PLCE1: variants seen among roughly 807,000 people sequenced by gnomAD.
PLCE1 encodes the protein 1-phosphatidylinositol 4,5-bisphosphate phosphodiesterase epsilon-1.
Under a neutral mutation model 242.8 loss-of-function variants are expected in PLCE1, and 119 were observed. That is an observed-to-expected ratio of 0.49 (90% confidence interval 0.42 to 0.57). The LOEUF is 0.57. Ranked by LOEUF, PLCE1 falls within the 20% of genes least tolerant of loss-of-function variation. The probability of loss-of-function intolerance (pLI) is 0.00; values close to 1 mark genes in which losing one functional copy is unlikely to be tolerated. For synonymous variants in PLCE1, 945 were observed against 1,017.4 expected (o/e 0.93, Z 1.35); for missense variants, 2,441 against 2,788.8 (o/e 0.88, Z 2.81).
chr10:94,206,720 G>A (rs1292111212), intron 4 of PLCE1, among the ~76,000 whole-genome samples: 1 of 152,150 alleles, frequency 6.6e-6, no homozygotes, highest in South Asian at 2.1e-4. Flanking sequence ...ACAGGCCAGT[G>A]GTGTTGACAT....
At chr10:94,208,265 C>T (rs2049226260) in intron 4 of PLCE1, among the ~76,000 whole-genome samples, 1 of 152,190 alleles carries the variant, frequency 6.6e-6, no homozygotes, top group African/African-American at 2.4e-5. Context: ...GGTGATGCAC[C>T]AAGCAGAGCC....
At chr10:94,276,144 T>C (rs1024537773) in intron 19 of PLCE1, among the ~76,000 whole-genome samples, 8 of 152,228 alleles carry the variant, frequency 5.3e-5, no homozygotes, top group African/African-American at 1.9e-4. Context: ...GCCAGCCACA[T>C]GGAGAGGCCT....
At position 94,306,533 on chromosome 10, in the gene PLCE1, C is replaced by T. The variant is rs765592069; in HGVS notation, c.5729C>T (p.Pro1910Leu). The change falls in exon 26 of 33, where the codon CCC becomes CTC. Residue 1910 changes from proline (P) to leucine (L), a missense_variant. Physicochemically the swap from Pro to Leu is moderately conservative, Grantham distance 98. Coordinates refer to ENST00000371380, the MANE Select transcript of PLCE1 (RefSeq NM_016341.4). This position sits in a 1 kb window ranked among gnomAD's most constrained non-coding sequence, Gnocchi z 5.7. ...GACAGCTGCCATTTCCGCACAAAGCCCATCCATCGAAACACCCTGAACCCC... is the reference window on the plus strand; with the variant it reads ...GACAGCTGCCATTTCCGCACAAAGCTCATCCATCGAAACACCCTGAACCCC... ...PLDSCHFRTKPIHRNTLNPMW... is the reference protein window; with the variant it reads ...PLDSCHFRTKLIHRNTLNPMW... The T allele has an allele frequency of 6.2e-7, 1 of 1,614,152 alleles. No homozygotes were observed. Among genetic ancestry groups the T allele is most frequent in the African/African-American group, 1.3e-5 (1 of 75,040 alleles).
At position 94,265,977 on chromosome 10, in the gene PLCE1, G is replaced by A. The variant is rs2051500634; in HGVS notation, c.4281+19G>A. On this transcript the variant is annotated intron_variant, in intron 16 of 32. Coordinates refer to ENST00000371380, the MANE Select transcript of PLCE1 (RefSeq NM_016341.4). ...CAGCCAGGTACAGGGAATGCCACTT[G>A]GAATGTGGTTTTTATTAAACCTAAT... 1 of 1,612,604 alleles carries A rather than the reference G, an allele frequency of 6.2e-7. No homozygotes were observed. Among genetic ancestry groups the A allele is most frequent in the African/African-American group, 1.3e-5 (1 of 74,846 alleles).
chr10:94,035,832 C>G (rs575271604), intron 2 of PLCE1, among the ~76,000 whole-genome samples: 108 of 152,306 alleles, frequency 7.1e-4, no homozygotes, highest in Admixed American at 1.7e-3. Context: ...CTATGAATTA[C>G]TTCCTTCAAA....
intron 2 of PLCE1, among the ~76,000 whole-genome samples, chr10:94,039,105 T>C (rs1306281118): frequency 6.6e-6 from 1 of 152,274 alleles, no homozygotes; most frequent in African/African-American, 2.4e-5. Context: ...TTTCATTGTA[T>C]GATTATGCCC....
At chr10:94,285,584 C>T (rs989335399) in intron 22 of PLCE1, among the ~76,000 whole-genome samples, 37 of 152,144 alleles carry the variant, frequency 2.4e-4, no homozygotes, top group African/African-American at 7.7e-4. Flanking sequence ...CTTCTGGTTG[C>T]GAGACGGCTA....
At chr10:94,279,980 A>G (rs1202963987) in intron 20 of PLCE1, 69 bp downstream of exon 20, 8 of 1,537,724 alleles carry the variant, frequency 5.2e-6, no homozygotes, top group Non-Finnish European at 7.2e-6. Flanking sequence ...TTTTCTTTCT[A>G]AAATAAGTCT....
At chr10:94,321,748 A>G (rs2053812125) in intron 29 of PLCE1, among the ~76,000 whole-genome samples, 153 bp from the exon 30 acceptor site, 1 of 152,212 alleles carries the variant, frequency 6.6e-6, no homozygotes, top group South Asian at 2.1e-4. Flanking sequence ...ATATCCTTTT[A>G]GAACAGTTTA....
chr10:94,278,295 T>C (rs1434658909), intron 19 of PLCE1, among the ~76,000 whole-genome samples: 1 of 152,172 alleles, frequency 6.6e-6, no homozygotes, highest in African/African-American at 2.4e-5. Flanking sequence ...GGAAAAAAAT[T>C]ACATCTTTAT....
chr10:94,123,614 G>GT (rs934942642), intron 2 of PLCE1, among the ~76,000 whole-genome samples: 40 of 152,300 alleles, frequency 2.6e-4, no homozygotes, highest in African/African-American at 8.9e-4. Flanking sequence ...CAGCCTCACT[G>GT]TTTTTGTTGA....
intron 3 of PLCE1, among the ~76,000 whole-genome samples, chr10:94,164,511 A>G (rs929375354): frequency 6.6e-6 from 1 of 151,632 alleles, no homozygotes; most frequent in Admixed American, 6.6e-5. Context: ...ACTTCTGTGC[A>G]TTGGTTATTC....
At chr10:94,207,043 T>A (rs1221504020) in intron 4 of PLCE1, among the ~76,000 whole-genome samples, 2 of 152,264 alleles carry the variant, frequency 1.3e-5, no homozygotes, top group African/African-American at 4.8e-5. Flanking sequence ...TATTAACCAT[T>A]GTATGTAGCT....
intron 2 of PLCE1, among the ~76,000 whole-genome samples, chr10:94,047,981 T>G (rs1406113511): frequency 2.0e-5 from 3 of 152,204 alleles, no homozygotes; most frequent in Admixed American, 6.5e-5. Context: ...AAAAAAAACT[T>G]CAGATTTTAA....
intron 21 of PLCE1, among the ~76,000 whole-genome samples, chr10:94,284,295 A>G (rs181264487): frequency 1.3e-5 from 2 of 152,342 alleles, no homozygotes; most frequent in Admixed American, 6.5e-5. Flanking sequence ...TTGGCTAAAC[A>G]GACAAAAACA....
intron 2 of PLCE1, among the ~76,000 whole-genome samples, chr10:94,050,615 T>G (rs572865485): frequency 6.6e-6 from 1 of 152,290 alleles, no homozygotes; most frequent in South Asian, 2.1e-4. Context: ...ATCTACCAAG[T>G]TCTTCTCTGT....
intron 6 of PLCE1, among the ~76,000 whole-genome samples, chr10:94,235,427 G>C (rs1441713170): frequency 6.6e-6 from 1 of 152,108 alleles, no homozygotes; most frequent in South Asian, 2.1e-4. Flanking sequence ...GAACAATAAG[G>C]CTTAAAGAGC....
intron 29 of PLCE1, among the ~76,000 whole-genome samples, chr10:94,318,091 C>G (rs2053639391): frequency 6.6e-6 from 1 of 152,160 alleles, no homozygotes; most frequent in South Asian, 2.1e-4. Context: ...AGCATCAACT[C>G]TAGAGCCCAG....
At chr10:94,116,501 C>G (rs957942572) in intron 2 of PLCE1, among the ~76,000 whole-genome samples, 7 of 152,170 alleles carry the variant, frequency 4.6e-5, no homozygotes, top group Non-Finnish European at 7.4e-5. Flanking sequence ...TCAAGACCAG[C>G]TTGGCCAACA....
Sources: allele counts gnomAD v4.1 joint callset (sites outside exome capture counted in the v4.1 genomes callset), GRCh38; gene constraint gnomAD v4.1.1; non-coding constraint Gnocchi (gnomAD v3.1); transcripts MANE v1.5; gene names NCBI Gene and HGNC (gene_info 2026-07-23, HGNC 2026-07-21).